Variants in CNTN6 observed in about 807,000 individuals in gnomAD.
CNTN6 encodes contactin-6.
Under a neutral mutation model 122.8 loss-of-function variants are expected in CNTN6, and 137 were observed. That is an observed-to-expected ratio of 1.12 (90% CI 0.97 to 1.29). The LOEUF (loss-of-function observed/expected upper bound fraction) is 1.29. CNTN6 is among the 50% of genes most tolerant of loss of function. CNTN6 has a pLI of 0.00. For missense variants in CNTN6, 1,634 were observed against 1,223.4 expected, an observed-to-expected ratio of 1.34 and a Z score of -5.01; for synonymous variants, 570 against 426.0, an observed-to-expected ratio of 1.34 and a Z score of -4.16.
chr3:1,362,346 A>G (rs1443563541), intron 12 of CNTN6, among the ~76,000 whole-genome samples: 1 of 152,112 alleles, frequency 6.6e-6, no homozygotes. Context: ...GATAATAGTA[A>G]CAGGTCACAG....
intron 1 of CNTN6, among the ~76,000 whole-genome samples, chr3:1,109,735 G>A: frequency 6.6e-6 from 1 of 151,806 alleles, no homozygotes; most frequent in South Asian, 2.1e-4. Flanking sequence ...GATCTTCTGA[G>A]ATCCATCTGA....
chr3:1,355,464 T>A (rs2126085780), intron 12 of CNTN6, among the ~76,000 whole-genome samples: 1 of 151,818 alleles, frequency 6.6e-6, no homozygotes, highest in South Asian at 2.1e-4. Context: ...GAATTATTAT[T>A]TTACAACCTA....
chr3:1,301,916 CA>C (rs1368918002), intron 7 of CNTN6, among the ~76,000 whole-genome samples: 1 of 152,122 alleles, frequency 6.6e-6, no homozygotes. Flanking sequence ...TTTCAGAAAA[CA>C]AATTAAATTA....
chr3:1,326,266 A>G lies in CNTN6; in HGVS notation c.1083+315A>G, dbSNP rs1455823389. ...CGGATAACACTTACTGAACTCTCAT[A>G]TGAGCCAAGCCCTGTGTTAAATATT... On this transcript the variant is annotated intron_variant, in intron 9 of 22. Transcript: ENST00000446702. 2.6e-5 allele frequency among the ~76,000 whole-genome samples: 4 copies of G among 151,956 alleles called. No individual in the cohort carries two copies. In the East Asian group the frequency reaches 7.8e-4, roughly 30 times the overall value.
chr3:1,139,461 T>C (rs1365989660), intron 1 of CNTN6, among the ~76,000 whole-genome samples: 2 of 152,166 alleles, frequency 1.3e-5, no homozygotes, highest in African/African-American at 2.4e-5. Flanking sequence ...CCTGACCTTC[T>C]TGTACTCATC....
chr3:1,256,007 T>G (rs2094751496), intron 4 of CNTN6, among the ~76,000 whole-genome samples: 2 of 152,024 alleles, frequency 1.3e-5, no homozygotes, highest in South Asian at 4.1e-4. Context: ...CAGCTGGGAA[T>G]ACAGGCGTGT....
At chr3:1,312,747 AG>A (rs1225865338) in intron 7 of CNTN6, among the ~76,000 whole-genome samples, 1 of 151,792 alleles carries the variant, frequency 6.6e-6, no homozygotes, top group Non-Finnish European at 1.5e-5. Context: ...TAATTCATGC[AG>A]GGGGAGCAAA....
At chr3:1,268,305 T>C (rs1043411032) in intron 4 of CNTN6, among the ~76,000 whole-genome samples, 3 of 152,124 alleles carry the variant, frequency 2.0e-5, no homozygotes, top group African/African-American at 4.8e-5. Flanking sequence ...AGAAACATTC[T>C]CTGGCATAAA....
intron 8 of CNTN6, among the ~76,000 whole-genome samples, chr3:1,323,892 T>TG (rs1180596611): frequency 4.3e-5 from 6 of 139,770 alleles, no homozygotes; most frequent in Middle Eastern, 3.5e-3. Context: ...GTTGAATAAA[T>TG]AAATGTGTTC....
intron 20 of CNTN6, among the ~76,000 whole-genome samples, chr3:1,388,103 G>T (rs1008490920): frequency 6.6e-6 from 1 of 152,114 alleles, no homozygotes; most frequent in Admixed American, 6.5e-5. Context: ...TCCACCTCTC[G>T]GGGCAGGGCA....
At chr3:1,302,462 A>G (rs1320452223) in intron 7 of CNTN6, among the ~76,000 whole-genome samples, 1 of 152,114 alleles carries the variant, frequency 6.6e-6, no homozygotes, top group East Asian at 1.9e-4. Flanking sequence ...TTAGACTAAG[A>G]TGTATATATT....
At chr3:1,169,190 T>C (rs2093315797) in intron 2 of CNTN6, among the ~76,000 whole-genome samples, 1 of 152,234 alleles carries the variant, frequency 6.6e-6, no homozygotes, top group African/African-American at 2.4e-5. Context: ...TCAAAGAGCA[T>C]GCAATTGGCA....
intron 17 of CNTN6, 87 bp downstream of exon 17, chr3:1,377,162 C>T: frequency 1.1e-6 from 1 of 915,210 alleles, no homozygotes; most frequent in Non-Finnish European, 1.7e-6. Flanking sequence ...TTTATTTGAT[C>T]ACTATTGAGA....
chr3:1,179,687 G>C (rs759313362), intron 2 of CNTN6, among the ~76,000 whole-genome samples: 1 of 152,148 alleles, frequency 6.6e-6, no homozygotes, highest in Non-Finnish European at 1.5e-5. Flanking sequence ...AGGACTTCTT[G>C]TCTTTCCTGC....
intron 1 of CNTN6, among the ~76,000 whole-genome samples, chr3:1,094,896 T>C (rs928617164): frequency 6.6e-6 from 1 of 152,026 alleles, no homozygotes; most frequent in Non-Finnish European, 1.5e-5. Context: ...ACATATTAAT[T>C]GGAATGCAGA....
At chr3:1,106,463 A>G (rs952787584) in intron 1 of CNTN6, among the ~76,000 whole-genome samples, 2 of 152,022 alleles carry the variant, frequency 1.3e-5, no homozygotes, top group African/African-American at 4.8e-5. Flanking sequence ...TTTGATTTAG[A>G]TCTGAGGCCA....
chr3:1,165,671 C>A (rs1343609357), intron 2 of CNTN6, among the ~76,000 whole-genome samples: 1 of 152,158 alleles, frequency 6.6e-6, no homozygotes, highest in Non-Finnish European at 1.5e-5. Context: ...CTCACTAGTT[C>A]TTTATCTATA....
chr3:1,370,953 T>C lies in CNTN6; in HGVS notation c.1493-1346T>C, dbSNP rs571843061. ...AGACATATTTGATACAGAATGAGTT[T>C]GATTTTCTCTATTATATTCATATTC... On this transcript the variant is annotated intron_variant, in intron 12 of 22. Transcript: ENST00000446702. Among the ~76,000 whole-genome samples, 9 of 152,310 alleles carry C rather than the reference T, an allele frequency of 5.9e-5. No individual in the cohort carries two copies. The South Asian group carries it at 1.9e-3, about 32-fold the overall frequency.
chr3:1,136,349 A>T (rs906042228), intron 1 of CNTN6, among the ~76,000 whole-genome samples: 1 of 152,144 alleles, frequency 6.6e-6, no homozygotes, highest in Non-Finnish European at 1.5e-5. Flanking sequence ...CCCCTTGATT[A>T]GACTTTCCCA....
Sources: gnomAD v4.1 joint callset for allele counts (sites outside exome capture counted in the v4.1 genomes callset) on GRCh38, gnomAD v4.1.1 for gene constraint, MANE v1.5 for transcripts, NCBI Gene and HGNC (gene_info 2026-07-23, HGNC 2026-07-21) for gene names.